Variants in MBOAT7 observed in about 807,000 individuals in gnomAD.
The protein encoded by MBOAT7 is membrane-bound acylglycerophosphatidylinositol O-acyltransferase MBOAT7.
Under a neutral mutation model 47.4 loss-of-function variants are expected in MBOAT7, and 40 were observed. The observed-to-expected ratio is 0.84, with a 90% CI of 0.66 to 1.10. The LOEUF (loss-of-function observed/expected upper bound fraction) is 1.10, where lower values mean the gene tolerates loss of function less well. Ranked by LOEUF, MBOAT7 falls within the 50% of genes least tolerant of loss-of-function variation. The pLI is 0.00. For synonymous variants in MBOAT7, 361 were observed against 292.0 expected, an observed-to-expected ratio of 1.24 and a Z score of -2.41; for missense variants, 680 against 655.6, an observed-to-expected ratio of 1.04 and a Z score of -0.41.
intron 7 of MBOAT7, among the ~76,000 whole-genome samples, chr19:54,177,907 T>TGTTTTTTG (rs1437391456): frequency 3.3e-5 from 2 of 60,452 alleles, no homozygotes; most frequent in African/African-American, 9.6e-5. Context: ...TCTGTTTTTT[T>TGTTTTTTG]TTTTTTTTTT....
intron 1 of MBOAT7, 196 bp downstream of exon 1, chr19:54,189,142 C>G (rs12981211): frequency 6.5e-6 from 1 of 153,438 alleles, no homozygotes; most frequent in Non-Finnish European, 1.5e-5. Flanking sequence ...CGAACACCCT[C>G]CCCTCCCCAG....
intron 4 of MBOAT7, 85 bp from the exon 5 acceptor site, chr19:54,183,765 A>C: frequency 7.3e-7 from 1 of 1,371,430 alleles, no homozygotes; most frequent in East Asian, 2.8e-5. Context: ...TGCCCTCGGC[A>C]GCCAAGGGGT....
intron 7 of MBOAT7, among the ~76,000 whole-genome samples, chr19:54,177,180 C>CTAATAA (rs1297950412): frequency 2.6e-5 from 4 of 151,250 alleles, no homozygotes; most frequent in Non-Finnish European, 4.4e-5. Flanking sequence ...AATACTAATA[C>CTAATAA]TAATAATAAT....
chr19:54,182,942 C>G (rs932728744), intron 5 of MBOAT7, among the ~76,000 whole-genome samples: 12 of 152,194 alleles, frequency 7.9e-5, no homozygotes, highest in African/African-American at 2.9e-4. Flanking sequence ...CTCAGGTGAT[C>G]TGCCTGTCTC....
At chr19:54,188,062 AAAGAAAG>A (rs2076498241) in intron 3 of MBOAT7, among the ~76,000 whole-genome samples, 148 bp downstream of exon 3, 3 of 56,992 alleles carry the variant, frequency 5.3e-5, no homozygotes, top group South Asian at 5.9e-4. Context: ...AGAAAGAAAG[AAAGAAAG>A]ACAAACAAAC....
chr19:54,183,660 T>G lies in MBOAT7; in HGVS notation c.354A>C (p.Glu118Asp). 1.9e-6 allele frequency: 3 copies of G among 1,581,994 alleles called. No homozygotes were observed. The highest frequency in any genetic ancestry group is 2.6e-6 in the Non-Finnish European group (3 of 1,164,586). The change falls in exon 5 of 8, where the codon GAA becomes GAC. Residue 118 changes from glutamate to aspartate, a missense_variant. By Grantham distance (45) the Glu-to-Asp change is conservative. Coordinates refer to ENST00000245615, the MANE Select transcript of MBOAT7 (RefSeq NM_024298.5). ...LTLKLVSLASEVQDLHLAQRK... is the reference protein window; with the variant it reads ...LTLKLVSLASDVQDLHLAQRK... ...TCTGGGCCAGATGCAGGTCCTGGAC[T>G]TCACTGGCCAGGCTCACCAGCTGGG...
At chr19:54,183,823 A>T (rs2076354468) in intron 4 of MBOAT7, 143 bp from the exon 5 acceptor site, 1 of 786,866 alleles carries the variant, frequency 1.3e-6, no homozygotes, top group Non-Finnish European at 1.9e-6. Context: ...TAACGCCTCT[A>T]GCTGGGCGGT....
intron 7 of MBOAT7, chr19:54,178,472 G>C: frequency 7.5e-7 from 1 of 1,330,902 alleles, no homozygotes; most frequent in Non-Finnish European, 9.6e-7. Context: ...CCATAACCTG[G>C]ACGGCCAAGA....
At chr19:54,179,248 T>C (rs896282559) in intron 6 of MBOAT7, 3 of 483,794 alleles carry the variant, frequency 6.2e-6, no homozygotes, top group East Asian at 6.6e-5. Flanking sequence ...ATGAGTCCTT[T>C]AGCAACCAAG....
chr19:54,185,762 C>T (rs2076412828), intron 4 of MBOAT7, among the ~76,000 whole-genome samples: 1 of 151,798 alleles, frequency 6.6e-6, no homozygotes, highest in Non-Finnish European at 1.5e-5. Context: ...ATGGCGGGAT[C>T]TTGGCTCACT....
chr19:54,182,707 T>C (rs1366520548), intron 5 of MBOAT7, among the ~76,000 whole-genome samples: 2 of 152,212 alleles, frequency 1.3e-5, no homozygotes, highest in East Asian at 1.9e-4. Flanking sequence ...CACACATACA[T>C]ATGTATTTTT....
chr19:54,177,223 G>C (rs2076132956), intron 7 of MBOAT7, among the ~76,000 whole-genome samples: 1 of 148,998 alleles, frequency 6.7e-6, no homozygotes, highest in African/African-American at 2.5e-5. Flanking sequence ...ACTCTTCCTG[G>C]GTCTTCCCCT....
At chr19:54,187,673 C>T (rs2076467908) in intron 3 of MBOAT7, among the ~76,000 whole-genome samples, 1 of 152,148 alleles carries the variant, frequency 6.6e-6, no homozygotes, top group Non-Finnish European at 1.5e-5. Context: ...ATGGATGTAG[C>T]GGACTGGGAC....
rs1270004972 is a variant in MBOAT7, at chr19:54,180,084, G to A, written c.854+689C>T. ...AAGGGTCAACCCATAGTTTCCAGGG[G>A]GAGGTTTGGCTTCCTTAGCAACAGT... is the stretch of plus-strand genomic sequence containing the variant. On this transcript the variant is annotated intron_variant, in intron 6 of 7. Coordinates refer to ENST00000245615, the MANE Select transcript of MBOAT7 (RefSeq NM_024298.5). The surrounding 1 kb of genome is among the most constrained non-coding windows in gnomAD (Gnocchi z 5.2). 1 of 152,272 alleles carries A rather than the reference G, an allele frequency of 6.6e-6. No homozygotes were observed. Among genetic ancestry groups the A allele is most frequent in the Non-Finnish European group, 1.5e-5 (1 of 68,084 alleles). The allele number at this position is 152,272 out of a possible 1,614,324, so 9.4% of individuals were successfully genotyped here.
chr19:54,175,118 G>C (rs566141620), intron 7 of MBOAT7, among the ~76,000 whole-genome samples: 179 of 152,070 alleles, frequency 1.2e-3, no homozygotes, highest in African/African-American at 4.0e-3. Flanking sequence ...TGGGACTACA[G>C]GCGCCTGCCA....
In MBOAT7 at chr19:54,188,237, G is replaced by A. The variant is rs2076509646; in HGVS notation, c.186C>T (p.Ala62=). The A allele has an allele frequency of 5.6e-6, 9 of 1,613,156 alleles. No individual in the cohort carries two copies. Among genetic ancestry groups the A allele is most frequent in the East Asian group, 2.2e-5 (1 of 44,846 alleles). ...CTCACCAGGGCTGGGCCTGAATGAG[G>A]GCCCAGGTCCCGAGGATGGTGACCA... ...HSLVTILGTW[A]LIQAQPCSCH... is the part of the protein sequence containing the mutation. Residue 62 remains alanine (A), a synonymous_variant, in exon 3 of 8, where the codon GCC becomes GCT. Transcript: ENST00000245615.
At chr19:54,188,584 C>T in intron 1 of MBOAT7, 73 bp from the exon 2 acceptor site, 1 of 1,426,006 alleles carries the variant, frequency 7.0e-7, no homozygotes, top group Non-Finnish European at 9.5e-7. Flanking sequence ...CTTCGAGGAT[C>T]CAGGAACCCA....
At position 54,174,269 on chromosome 19, in the gene MBOAT7, C is replaced by G. The variant is rs774346357; in HGVS notation, c.1194G>C (p.Val398=). 2 of 1,611,568 alleles carry G rather than the reference C, an allele frequency of 1.2e-6. No homozygotes were observed. The highest frequency in any genetic ancestry group is 3.4e-5 in the Admixed American group (2 of 59,540). ...SPGGQKAWDW[V]HWFLKMRAYD... is the part of the protein sequence containing the mutation. The stretch of plus-strand genomic sequence containing the variant: ...AGGCGCGCATCTTCAGGAACCAGTG[C>G]ACCCAGTCCCAGGCCTTCTGGCCCC... Residue 398 remains valine (V), a synonymous_variant, in exon 8 of 8, where the codon GTG becomes GTC. Coordinates refer to ENST00000245615, the MANE Select transcript of MBOAT7 (RefSeq NM_024298.5).
In MBOAT7 at chr19:54,181,124, A is replaced by C; in HGVS notation, c.503T>G (p.Phe168Cys). 1 of 1,477,310 alleles carries C rather than the reference A, an allele frequency of 6.8e-7. No homozygotes were observed. Among genetic ancestry groups the C allele is most frequent in the Non-Finnish European group, 9.0e-7 (1 of 1,113,078 alleles). The allele number at this position is 1,477,310 out of a possible 1,614,324, so 91.5% of individuals were successfully genotyped here. Reference protein sequence around the residue: ...CYVGIMTGPFFRYRTYLDWLE... With the variant: ...CYVGIMTGPFCRYRTYLDWLE... ...CCAGTCCAGGTAGGTGCGGTAGCGG[A>C]AGAACGGGCCTGTGGGGCGGGGAGG... The change falls in exon 6 of 8, where the codon TTC becomes TGC. Residue 168 changes from phenylalanine to cysteine, a missense_variant. Coordinates refer to ENST00000245615, the MANE Select transcript of MBOAT7 (RefSeq NM_024298.5).
Sources: allele counts gnomAD v4.1 joint callset (sites outside exome capture counted in the v4.1 genomes callset), GRCh38; gene constraint gnomAD v4.1.1; non-coding constraint Gnocchi (gnomAD v3.1); transcripts MANE v1.5; gene names NCBI Gene and HGNC (gene_info 2026-07-23, HGNC 2026-07-21).